TAFA4: variants seen among roughly 807,000 people sequenced by gnomAD.
TAFA4 encodes the protein chemokine-like protein TAFA-4.
A neutral mutation model predicts 21.1 loss-of-function variants in TAFA4; 20 were observed. The ratio of observed to expected loss-of-function variants is 0.95; its 90% CI spans 0.67 to 1.38. The LOEUF is 1.38. Ranked by LOEUF, TAFA4 falls within the 40% of genes most tolerant of loss-of-function variation. The probability of loss-of-function intolerance (pLI) is 0.00; values close to 1 mark genes in which losing one functional copy is unlikely to be tolerated. For missense variants in TAFA4, 211 were observed against 180.9 expected (o/e 1.17, Z -0.95); for synonymous variants, 71 against 67.4 (o/e 1.05, Z -0.26).
At chr3:68,884,141 G>T (rs925393644) in intron 2 of TAFA4, among the ~76,000 whole-genome samples, 2 of 150,100 alleles carry the variant, frequency 1.3e-5, no homozygotes, top group Admixed American at 6.6e-5. Flanking sequence ...TTAAATATAT[G>T]AATTATATGA....
rs757342099 is a variant in TAFA4 at position 68,739,132 on chromosome 3, C to G, written c.354G>C (p.Val118=). The G allele has an allele frequency of 1.2e-6, 2 of 1,613,898 alleles. No homozygotes were observed. Among genetic ancestry groups the G allele is most frequent in the Non-Finnish European group, 1.7e-6 (2 of 1,179,912 alleles). ...NPCLEGEDCK[V]LPDYSGWSCS... The stretch of plus-strand genomic sequence containing the variant: ...AGGACCAACCTGAGTAATCTGGCAG[C>G]ACTTTACAATCCTCTCCTTCCAAAC... Residue 118 remains valine, a synonymous_variant, in exon 5 of 6, where the codon GTG becomes GTC. Coordinates refer to ENST00000295569, the MANE Select transcript of TAFA4 (RefSeq NM_182522.5).
In TAFA4 at chr3:68,845,883, C is replaced by T. The variant is rs552640609; in HGVS notation, c.130+34847G>A. Among the ~76,000 whole-genome samples the T allele has an allele frequency of 9.8e-5, 15 of 152,290 alleles. No individual in the cohort carries two copies. In the South Asian group the frequency reaches 1.2e-3, roughly 13 times the overall value. On this transcript the variant is annotated intron_variant, in intron 3 of 5. Coordinates refer to ENST00000295569, the MANE Select transcript of TAFA4 (RefSeq NM_182522.5). Reference sequence around the variant, plus strand: ...ATTGTAGGGTTTCTGCTGAGAGATCCGCTGTTAGTCTGATGGTCTTCCCTT... The same window carrying T: ...ATTGTAGGGTTTCTGCTGAGAGATCTGCTGTTAGTCTGATGGTCTTCCCTT...
At chr3:68,803,101 A>G (rs560495758) in intron 3 of TAFA4, among the ~76,000 whole-genome samples, 2 of 152,012 alleles carry the variant, frequency 1.3e-5, no homozygotes, top group South Asian at 4.2e-4. Flanking sequence ...CTTCGTTGCC[A>G]AATTACAAAC....
chr3:68,768,916 G>A (rs1702903623), intron 3 of TAFA4, among the ~76,000 whole-genome samples: 1 of 152,158 alleles, frequency 6.6e-6, no homozygotes, highest in Admixed American at 6.5e-5. Flanking sequence ...AGAACAGTGG[G>A]AACCAGAGCT....
intron 4 of TAFA4, 30 bp from the exon 5 acceptor site, chr3:68,739,229 G>A (rs746056336): frequency 1.1e-5 from 18 of 1,612,262 alleles, no homozygotes; most frequent in Non-Finnish European, 1.4e-5. Context: ...TAATATTTGT[G>A]ACACTGTTTC....
chr3:68,897,614 G>A (rs555696977), intron 1 of TAFA4, among the ~76,000 whole-genome samples: 9 of 149,784 alleles, frequency 6.0e-5, no homozygotes, highest in Admixed American at 5.4e-4. Flanking sequence ...CAACAAAAGC[G>A]AAACTCCATC....
At chr3:68,754,720 C>G (rs1702626219) in intron 3 of TAFA4, among the ~76,000 whole-genome samples, 1 of 152,120 alleles carries the variant, frequency 6.6e-6, no homozygotes, top group South Asian at 2.1e-4. Flanking sequence ...AAACTGTCAC[C>G]TACTAGTTTT....
chr3:68,919,387 G>C (rs974498334), intron 1 of TAFA4, among the ~76,000 whole-genome samples: 2 of 152,082 alleles, frequency 1.3e-5, no homozygotes, highest in African/African-American at 4.8e-5. Context: ...CTTATTTTCA[G>C]CTCAAGAGTC....
chr3:68,846,538 T>C (rs928894119), intron 3 of TAFA4, among the ~76,000 whole-genome samples: 2 of 152,152 alleles, frequency 1.3e-5, no homozygotes, highest in African/African-American at 4.8e-5. Flanking sequence ...AAACTCATTC[T>C]CCATCCAGTT....
intron 3 of TAFA4, among the ~76,000 whole-genome samples, chr3:68,880,293 A>C (rs553045854): frequency 2.6e-4 from 39 of 152,210 alleles, no homozygotes; most frequent in African/African-American, 9.2e-4. Context: ...TCTCAAAAAG[A>C]TCTTAAATTA....
At chr3:68,759,005 C>G (rs550499736) in intron 3 of TAFA4, among the ~76,000 whole-genome samples, 3 of 152,280 alleles carry the variant, frequency 2.0e-5, no homozygotes, top group South Asian at 4.1e-4. Flanking sequence ...AGTTTCAGTC[C>G]AAGTCCAAAG....
intron 3 of TAFA4, among the ~76,000 whole-genome samples, chr3:68,811,978 A>C (rs964577461): frequency 6.6e-6 from 1 of 152,164 alleles, no homozygotes; most frequent in Non-Finnish European, 1.5e-5. Context: ...CGGATCTCTC[A>C]GCAGAAACTC....
At chr3:68,926,008 G>C (rs930809347) in intron 1 of TAFA4, among the ~76,000 whole-genome samples, 8 of 152,184 alleles carry the variant, frequency 5.3e-5, no homozygotes, top group Admixed American at 6.5e-5. Context: ...GAGGCAGCCA[G>C]ATTACTTGAG....
chr3:68,868,012 A>C (rs1417259419), intron 3 of TAFA4, among the ~76,000 whole-genome samples: 1 of 152,102 alleles, frequency 6.6e-6, no homozygotes, highest in African/African-American at 2.4e-5. Flanking sequence ...ACAACCTTGA[A>C]TGTAAATTGA....
intron 3 of TAFA4, among the ~76,000 whole-genome samples, chr3:68,843,953 A>C (rs534470709): frequency 6.6e-6 from 1 of 152,366 alleles, no homozygotes; most frequent in Admixed American, 6.5e-5. Context: ...ATCGGTGTCC[A>C]TCAGGGATAA....
intron 3 of TAFA4, among the ~76,000 whole-genome samples, chr3:68,760,966 G>A (rs545170896): frequency 4.9e-4 from 75 of 152,298 alleles, no homozygotes; most frequent in Non-Finnish European, 9.4e-4. Flanking sequence ...AGAGACCCCT[G>A]TGGTCTCAAA....
intron 3 of TAFA4, among the ~76,000 whole-genome samples, chr3:68,807,128 T>G (rs1703718076): frequency 6.6e-6 from 1 of 152,198 alleles, no homozygotes; most frequent in African/African-American, 2.4e-5. Context: ...CCTCAGCTGA[T>G]CGGTCTAGGG....
At position 68,732,842 on chromosome 3, in the gene TAFA4, G is replaced by C; in HGVS notation, c.*300C>G. 1 of 425,386 alleles carries C rather than the reference G, an allele frequency of 2.4e-6. No homozygotes were observed. The highest frequency in any genetic ancestry group is 4.2e-6 in the Non-Finnish European group (1 of 237,780). The allele number at this position is 425,386 out of a possible 1,614,324, so 26.4% of individuals were successfully genotyped here. A position where few individuals can be genotyped will look rare whatever the true frequency, so the allele number is the denominator to read the frequency against. On this transcript the variant is annotated 3_prime_UTR_variant, in exon 6 of 6. Transcript: ENST00000295569. ...AAAGTGAAGAATGAACATGCCCTTA[G>C]TGGTGATCCATTTTGAAGACTCTGA...
At chr3:68,769,177 T>C (rs1336254006) in intron 3 of TAFA4, among the ~76,000 whole-genome samples, 1 of 152,168 alleles carries the variant, frequency 6.6e-6, no homozygotes, top group African/African-American at 2.4e-5. Flanking sequence ...CACTGCCTCC[T>C]GTAAACTGCA....
Sources: gnomAD v4.1 joint callset for allele counts (sites outside exome capture counted in the v4.1 genomes callset) on GRCh38, gnomAD v4.1.1 for gene constraint, MANE v1.5 for transcripts, NCBI Gene and HGNC (gene_info 2026-07-23, HGNC 2026-07-21) for gene names.